The following CNTN6 variants were observed in gnomAD, a reference collection of about 807,000 sequenced individuals.
CNTN6 encodes the protein contactin-6.
A neutral mutation model predicts 122.8 loss-of-function variants in CNTN6; 137 were observed. The observed-to-expected ratio is 1.12, with a 90% CI of 0.97 to 1.29. The LOEUF (loss-of-function observed/expected upper bound fraction) is 1.29, where lower values mean the gene tolerates loss of function less well. CNTN6 is among the 50% of genes most tolerant of loss of function. CNTN6 has a pLI of 0.00. For missense variants in CNTN6, 1,634 were observed against 1,223.4 expected, an observed-to-expected ratio of 1.34 and a Z score of -5.01; for synonymous variants, 570 against 426.0, an observed-to-expected ratio of 1.34 and a Z score of -4.16.
Position 1,325,822 on chromosome 3 carries a change from A to G in CNTN6, c.954A>G (p.Pro318=). The G allele has an allele frequency of 1.1e-5, 18 of 1,610,146 alleles. No homozygotes were observed. The highest frequency in any genetic ancestry group is 1.3e-5 in the Non-Finnish European group (15 of 1,178,096). The change falls in exon 9 of 23, where the codon CCA becomes CCG. Residue 318 remains proline, a synonymous_variant. Coordinates refer to ENST00000446702, the MANE Select transcript of CNTN6 (RefSeq NM_001289080.2). ...AKGQLIFYAP[P]EWEQKIQNTH... is the part of the protein sequence containing the mutation. ...CTTGCCTTTTTGAAACAGCTCCTCC[A>G]GAATGGGAACAGAAAATCCAAAATA...
intron 1 of CNTN6, among the ~76,000 whole-genome samples, chr3:1,126,903 G>A (rs2092181523): frequency 6.6e-6 from 1 of 151,722 alleles, no homozygotes; most frequent in African/African-American, 2.4e-5. Context: ...CATTGGTGCT[G>A]AATATTATCT....
rs566118680 is a variant in CNTN6, at chr3:1,245,698, TATAA to T, written c.358+17718_358+17721del. Among the ~76,000 whole-genome samples, 463 of 151,782 alleles carry T rather than the reference TATAA, an allele frequency of 3.1e-3. 1 individual carries two copies. The highest frequency in any genetic ancestry group is 0.01 in the African/African-American group (434 of 41,396). The stretch of plus-strand genomic sequence containing the variant: ...AAACCTATTGAAATAAAAAAAGGAA[TATAA>T]ATAAATAAATAACATTATTGGAACA... On this transcript the variant is annotated intron_variant, in intron 4 of 22. Transcript: ENST00000446702.
rs571082497 is a variant in CNTN6 at position 1,111,454 on chromosome 3, G to A, written c.-83+18334G>A. On this transcript the variant is annotated intron_variant, in intron 1 of 22. Transcript: ENST00000446702. Reference sequence around the variant, plus strand: ...GAGATTCAGAGATGTAAAGTAAATCGGTTAAATAGAAAAAACAGTTGTTAG... The same window carrying A: ...GAGATTCAGAGATGTAAAGTAAATCAGTTAAATAGAAAAAACAGTTGTTAG... Among the ~76,000 whole-genome samples, 4 of 152,144 alleles carry A rather than the reference G, an allele frequency of 2.6e-5. No homozygotes were observed. In the East Asian group the frequency reaches 5.8e-4, roughly 22 times the overall value.
chr3:1,297,837 T>C lies in CNTN6; in HGVS notation c.659-52T>C, dbSNP rs370421381. On this transcript the variant is annotated intron_variant, in intron 6 of 22. Transcript: ENST00000446702. ...TTTGGTTAATGAAGCATTTACTTCATAGAAAACTTCTATTCTCCAGAAATG... is the reference window on the plus strand; with the variant it reads ...TTTGGTTAATGAAGCATTTACTTCACAGAAAACTTCTATTCTCCAGAAATG... 4.7e-5 allele frequency: 67 copies of C among 1,422,220 alleles called. No homozygotes were observed. The African/African-American group carries it at 8.5e-4, about 18-fold the overall frequency. 88.1% of individuals were successfully genotyped at this position (1,422,220 alleles called of 1,614,324 possible). A position where few individuals can be genotyped will look rare whatever the true frequency, so the allele number is the denominator to read the frequency against.
intron 7 of CNTN6, among the ~76,000 whole-genome samples, chr3:1,299,839 A>G (rs1422271009): frequency 2.6e-5 from 4 of 152,236 alleles, no homozygotes; most frequent in Non-Finnish European, 5.9e-5. Flanking sequence ...CCATATTTTC[A>G]TCTGAAAGGA....
chr3:1,221,617 C>T (rs1377851981), intron 3 of CNTN6, among the ~76,000 whole-genome samples: 1 of 152,086 alleles, frequency 6.6e-6, no homozygotes, highest in Non-Finnish European at 1.5e-5. Flanking sequence ...GAGAAAGGGT[C>T]AGTAAGTTTT....
At chr3:1,401,886 T>C (rs1695759772) in intron 21 of CNTN6, among the ~76,000 whole-genome samples, 2 of 152,016 alleles carry the variant, frequency 1.3e-5, no homozygotes, top group Admixed American at 1.3e-4. Context: ...TTTTAGAACT[T>C]AGGCTGCAGT....
rs1709502234 is a variant in CNTN6 at position 1,374,013 on chromosome 3, A to G, written c.2035A>G (p.Asn679Asp). The change falls in exon 16 of 23, where the codon AAC becomes GAC. Residue 679 changes from asparagine (N) to aspartate (D), a missense_variant. Coordinates refer to ENST00000446702, the MANE Select transcript of CNTN6 (RefSeq NM_001289080.2). ...VEYEFRVVAGNSIGIGEPSEP... is the reference protein window; with the variant it reads ...VEYEFRVVAGDSIGIGEPSEP... ...ATATGAATTTCGTGTTGTTGCCGGC[A>G]ACAGCATTGGGATTGGAGAACCAAG... is the stretch of plus-strand genomic sequence containing the variant. 2 of 1,613,294 alleles carry G rather than the reference A, an allele frequency of 1.2e-6. No homozygotes were observed. The highest frequency in any genetic ancestry group is 8.5e-7 in the Non-Finnish European group (1 of 1,179,408).
chr3:1,208,245 A>C (rs1307627703), intron 2 of CNTN6, among the ~76,000 whole-genome samples: 1 of 152,106 alleles, frequency 6.6e-6, no homozygotes, highest in Non-Finnish European at 1.5e-5. Context: ...CCTCTGTCAT[A>C]TCATTTAAGG....
chr3:1,102,988 C>T (rs1358635648), intron 1 of CNTN6, among the ~76,000 whole-genome samples: 1 of 150,578 alleles, frequency 6.6e-6, no homozygotes, highest in Non-Finnish European at 1.5e-5. Context: ...CGCCTGTGGT[C>T]CCAGCTACTC....
intron 2 of CNTN6, among the ~76,000 whole-genome samples, chr3:1,178,610 C>A (rs902969575): frequency 6.6e-6 from 1 of 152,180 alleles, no homozygotes; most frequent in Non-Finnish European, 1.5e-5. Context: ...TCCTTCCCCC[C>A]ACTGTTTTCT....
chr3:1,265,586 A>T (rs78926200), intron 4 of CNTN6, among the ~76,000 whole-genome samples: 3,189 of 152,312 alleles, frequency 0.021, 91 homozygotes, highest in African/African-American at 0.069. Context: ...TTGGCAAAAG[A>T]AAACACAAAT....
In CNTN6 at chr3:1,329,838, GT is replaced by G. The variant is rs1559841487; in HGVS notation, c.1269del (p.Gly424ValfsTer57). 6.2e-7 allele frequency: 1 copy of G among 1,610,680 alleles called. No homozygotes were observed. The highest frequency in any genetic ancestry group is 1.7e-5 in the Admixed American group (1 of 59,644). On this transcript the variant is annotated frameshift_variant, in exon 11 of 23. Coordinates refer to ENST00000446702, the MANE Select transcript of CNTN6 (RefSeq NM_001289080.2). LOFTEE classifies it high-confidence loss of function. ...AGTTAAAAAAAAGTCTTTTGTTCAA[GT>G]TGGTGGGGATATTGTTATCGGATGC... Reference protein sequence around the residue: ...SPVKKKSFVQVGGDIVIGCKP... With the variant: ...SPVKKKSFVQXGGDIVIGCKP...
chr3:1,396,323 G>T (rs1375908864), intron 20 of CNTN6, among the ~76,000 whole-genome samples: 1 of 152,090 alleles, frequency 6.6e-6, no homozygotes, highest in Admixed American at 6.5e-5. Context: ...CTGCTCTATA[G>T]CTTCCCCCAA....
intron 1 of CNTN6, among the ~76,000 whole-genome samples, chr3:1,118,031 C>T (rs1314313362): frequency 2.0e-5 from 3 of 152,058 alleles, no homozygotes; most frequent in South Asian, 4.2e-4. Flanking sequence ...CCTCAAGGCC[C>T]GCTGTTGAAG....
chr3:1,183,942 T>C (rs564167362), intron 2 of CNTN6, among the ~76,000 whole-genome samples: 1 of 152,292 alleles, frequency 6.6e-6, no homozygotes, highest in African/African-American at 2.4e-5. Context: ...ACTCAGTTAC[T>C]GATTGTTGGA....
intron 12 of CNTN6, among the ~76,000 whole-genome samples, chr3:1,366,522 G>T (rs1043512287): frequency 6.6e-6 from 1 of 152,102 alleles, no homozygotes; most frequent in Non-Finnish European, 1.5e-5. Context: ...AAGAATTTAA[G>T]GTGTATTTGA....
chr3:1,096,869 G>A (rs984933032), intron 1 of CNTN6, among the ~76,000 whole-genome samples: 40 of 152,102 alleles, frequency 2.6e-4, no homozygotes, highest in African/African-American at 6.8e-4. Flanking sequence ...CACTGAAGAC[G>A]GAGGGTTTTT....
intron 4 of CNTN6, among the ~76,000 whole-genome samples, chr3:1,275,565 C>A (rs1161351480): frequency 6.6e-6 from 1 of 152,174 alleles, no homozygotes; most frequent in East Asian, 1.9e-4. Context: ...AGAGTCACCC[C>A]ATCAGGTTTA....
Sources: allele counts gnomAD v4.1 joint callset (sites outside exome capture counted in the v4.1 genomes callset), GRCh38; gene constraint gnomAD v4.1.1; transcripts MANE v1.5; gene names NCBI Gene and HGNC (gene_info 2026-07-23, HGNC 2026-07-21).